BCAS3: variants seen among roughly 807,000 people sequenced by gnomAD.
The protein encoded by BCAS3 is BCAS4/BCAS3 fusion.
A neutral mutation model predicts 116.1 loss-of-function variants in BCAS3; 53 were observed. The observed-to-expected ratio is 0.46, with a 90% CI of 0.37 to 0.57. The LOEUF is 0.57. BCAS3 is among the 20% of genes least tolerant of loss of function. BCAS3 has a pLI of 0.00. For missense variants in BCAS3, 917 were observed against 1,165.4 expected (o/e 0.79, Z 3.10); for synonymous variants, 391 against 408.2 (o/e 0.96, Z 0.51).
At chr17:60,766,980 T>G (rs1458567461) in intron 6 of BCAS3, among the ~76,000 whole-genome samples, 5 of 152,202 alleles carry the variant, frequency 3.3e-5, no homozygotes, top group Non-Finnish European at 2.9e-5. Flanking sequence ...TGAGCAAGGC[T>G]CCATGGGCAT....
rs532396919 is a variant in BCAS3, at chr17:60,968,451, A to C, written c.1221+21099A>C. Reference sequence around the variant, plus strand: ...CTCATTGTGTTGCCCTGCCTGTCACAAACTCCTGGCCTGAAGTGATCCTCT... The same window carrying C: ...CTCATTGTGTTGCCCTGCCTGTCACCAACTCCTGGCCTGAAGTGATCCTCT... On this transcript the variant is annotated intron_variant, in intron 14 of 23. Coordinates refer to ENST00000407086, the MANE Select transcript of BCAS3 (RefSeq NM_017679.5). Among the ~76,000 whole-genome samples the C allele has an allele frequency of 2.6e-5, 4 of 152,240 alleles. No homozygotes were observed. In the South Asian group the frequency reaches 8.3e-4, roughly 32 times the overall value.
At chr17:60,679,218 C>G (rs751427909) in intron 1 of BCAS3, among the ~76,000 whole-genome samples, 2 of 152,138 alleles carry the variant, frequency 1.3e-5, no homozygotes, top group Non-Finnish European at 2.9e-5. Context: ...GAGCGAGACT[C>G]TATCTCAAAA....
chr17:60,791,327 A>C (rs2144540453), intron 6 of BCAS3, among the ~76,000 whole-genome samples: 1 of 152,232 alleles, frequency 6.6e-6, no homozygotes, highest in African/African-American at 2.4e-5. Context: ...TTATTTTTGG[A>C]GGGATCAATT....
In BCAS3 at chr17:61,181,270, C is replaced by G. The variant is rs1434019291; in HGVS notation, c.2425+96706C>G. Among the ~76,000 whole-genome samples, 1 of 152,176 alleles carries G rather than the reference C, an allele frequency of 6.6e-6. No individual in the cohort carries two copies. ...AGGAACAAGATGATTCGTTCCTTGC[C>G]TAAGCCCATGCTTACATGCTAAGGC... On this transcript the variant is annotated intron_variant, in intron 22 of 23. Coordinates refer to ENST00000407086, the MANE Select transcript of BCAS3 (RefSeq NM_017679.5). The surrounding 1 kb of genome is among the most constrained non-coding windows in gnomAD (Gnocchi z 5.0).
At chr17:61,178,798 A>G (rs544115119) in intron 22 of BCAS3, among the ~76,000 whole-genome samples, 7 of 152,270 alleles carry the variant, frequency 4.6e-5, no homozygotes, top group African/African-American at 1.4e-4. Context: ...AGTACCCCCA[A>G]ATTTAACACC....
chr17:61,133,134 A>G (rs2076428070), intron 22 of BCAS3, among the ~76,000 whole-genome samples: 1 of 152,232 alleles, frequency 6.6e-6, no homozygotes, highest in Admixed American at 6.5e-5. Flanking sequence ...TGTCTCAACC[A>G]AAACCAAAAC....
Position 61,265,122 on chromosome 17 carries a change from G to T in BCAS3, c.2426-103205G>T, listed in dbSNP as rs892516326. On this transcript the variant is annotated intron_variant, in intron 22 of 23. Coordinates refer to ENST00000407086, the MANE Select transcript of BCAS3 (RefSeq NM_017679.5). This position sits in a 1 kb window ranked among gnomAD's most constrained non-coding sequence, Gnocchi z 4.3. ...TACATGGAGTACTATATATAAGAAAGCACAATACCAGCCAGGCGCAATGGC... is the reference window on the plus strand; with the variant it reads ...TACATGGAGTACTATATATAAGAAATCACAATACCAGCCAGGCGCAATGGC... 6.6e-6 allele frequency among the ~76,000 whole-genome samples: 1 copy of T among 152,050 alleles called. No homozygotes were observed. The highest frequency in any genetic ancestry group is 1.5e-5 in the Non-Finnish European group (1 of 67,986).
chr17:61,350,079 C>T (rs939579304), intron 22 of BCAS3, among the ~76,000 whole-genome samples: 4 of 152,158 alleles, frequency 2.6e-5, no homozygotes, highest in African/African-American at 9.7e-5. Flanking sequence ...AGGAATGTGC[C>T]TCTAAGGAAC....
At chr17:61,052,630 G>A (rs1175248590) in intron 19 of BCAS3, among the ~76,000 whole-genome samples, 1 of 151,750 alleles carries the variant, frequency 6.6e-6, no homozygotes, top group Non-Finnish European at 1.5e-5. Flanking sequence ...TGACTTCGAA[G>A]TAGTTGTGTT....
chr17:60,934,695 C>T (rs1439162691), intron 13 of BCAS3, among the ~76,000 whole-genome samples: 1 of 152,150 alleles, frequency 6.6e-6, no homozygotes, highest in Non-Finnish European at 1.5e-5. Flanking sequence ...TGTATCTTGC[C>T]ATACATTAAA....
chr17:60,973,586 AATATAT>A (rs34671111), intron 14 of BCAS3, among the ~76,000 whole-genome samples: 2 of 137,976 alleles, frequency 1.4e-5, no homozygotes, highest in African/African-American at 2.9e-5. Context: ...CCTTATTATT[AATATAT>A]ATATATATAT....
chr17:61,294,300 C>T (rs146682322), intron 22 of BCAS3, among the ~76,000 whole-genome samples: 1 of 152,242 alleles, frequency 6.6e-6, no homozygotes, highest in African/African-American at 2.4e-5. Flanking sequence ...ACTGTGATGT[C>T]CCTACTCACG....
At chr17:61,306,191 G>A (rs2053844661) in intron 22 of BCAS3, among the ~76,000 whole-genome samples, 1 of 152,202 alleles carries the variant, frequency 6.6e-6, no homozygotes, top group Admixed American at 6.5e-5. Context: ...GTACACCTGA[G>A]TCATTTGTTG....
chr17:61,342,502 A>C (rs978615088), intron 22 of BCAS3, among the ~76,000 whole-genome samples: 2 of 152,174 alleles, frequency 1.3e-5, no homozygotes, highest in Non-Finnish European at 2.9e-5. Context: ...CCAGTGAGTG[A>C]GGCAGTGTGG....
At chr17:61,009,528 T>G (rs899055077) in intron 15 of BCAS3, among the ~76,000 whole-genome samples, 2 of 152,062 alleles carry the variant, frequency 1.3e-5, no homozygotes, top group Admixed American at 1.3e-4. Context: ...GTCATTTGAT[T>G]CCTTAATGTT....
At position 61,141,385 on chromosome 17, in the gene BCAS3, C is replaced by CT; in HGVS notation, c.2425+56822dup. On this transcript the variant is annotated intron_variant, in intron 22 of 23. Coordinates refer to ENST00000407086, the MANE Select transcript of BCAS3 (RefSeq NM_017679.5). The surrounding 1 kb of genome is among the most constrained non-coding windows in gnomAD (Gnocchi z 4.3). Reference sequence around the variant, plus strand: ...CCAGTCTGGGCAACATACCAAGACTCTGTCTACAAAAAAAGTGTTAAAAGT... The same window carrying CT: ...CCAGTCTGGGCAACATACCAAGACTCTTGTCTACAAAAAAAGTGTTAAAAGT... Among the ~76,000 whole-genome samples the CT allele has an allele frequency of 6.6e-6, 1 of 152,104 alleles. No individual in the cohort carries two copies. Among genetic ancestry groups the CT allele is most frequent in the African/African-American group, 2.4e-5 (1 of 41,484 alleles).
At chr17:60,942,013 G>A (rs1191853836) in intron 13 of BCAS3, among the ~76,000 whole-genome samples, 2 of 152,194 alleles carry the variant, frequency 1.3e-5, no homozygotes, top group African/African-American at 4.8e-5. Flanking sequence ...GAGAGGTGGA[G>A]TCAGAAGATA....
rs1383277627 is a variant in BCAS3 at position 61,095,904 on chromosome 17, CAG to C, written c.2425+11342_2425+11343del. ...TTACTAGTTTGTTTGTTTATTTCTA[CAG>C]AAATTCAGATGAGATTGGATTGGGA... On this transcript the variant is annotated intron_variant, in intron 22 of 23. Transcript: ENST00000407086. This position sits in a 1 kb window ranked among gnomAD's most constrained non-coding sequence, Gnocchi z 4.7. Among the ~76,000 whole-genome samples, 1 of 151,872 alleles carries C rather than the reference CAG, an allele frequency of 6.6e-6. No individual in the cohort carries two copies. The highest frequency in any genetic ancestry group is 1.5e-5 in the Non-Finnish European group (1 of 67,958).
intron 6 of BCAS3, among the ~76,000 whole-genome samples, chr17:60,797,900 G>A (rs2047359462): frequency 6.6e-6 from 1 of 152,192 alleles, no homozygotes; most frequent in Non-Finnish European, 1.5e-5. Context: ...AAATTAGCCA[G>A]GCATGGTGAT....
Sources: gnomAD v4.1 joint callset for allele counts (sites outside exome capture counted in the v4.1 genomes callset) on GRCh38, gnomAD v4.1.1 for gene constraint, Gnocchi (gnomAD v3.1) non-coding constraint, MANE v1.5 for transcripts, NCBI Gene and HGNC (gene_info 2026-07-23, HGNC 2026-07-21) for gene names.